LRBA: variants seen among roughly 807,000 people sequenced by gnomAD.
LRBA encodes LPS responsive beige-like anchor protein.
In LRBA, 176 loss-of-function variants were observed where a neutral mutation model predicts 330.0. The observed-to-expected ratio is 0.53, with a 90% CI of 0.47 to 0.60. The LOEUF (loss-of-function observed/expected upper bound fraction) is 0.60. LRBA is among the 20% of genes least tolerant of loss of function. The pLI is 0.00. For synonymous variants in LRBA, 1,230 were observed against 1,193.0 expected (o/e 1.03, Z -0.64); for missense variants, 3,259 against 3,444.8 (o/e 0.95, Z 1.35).
chr4:150,912,964 G>A (rs1007800546), intron 9 of LRBA, among the ~76,000 whole-genome samples: 1 of 152,032 alleles, frequency 6.6e-6, no homozygotes, highest in Non-Finnish European at 1.5e-5. Flanking sequence ...TGACCCAAAG[G>A]CTGTTTTAAG....
At chr4:150,667,321 A>C (rs545759500) in intron 37 of LRBA, among the ~76,000 whole-genome samples, 4 of 152,168 alleles carry the variant, frequency 2.6e-5, no homozygotes, top group Non-Finnish European at 5.9e-5. Flanking sequence ...AAGCATCCTT[A>C]TAAGAGGGAG....
At chr4:150,802,755 G>A (rs1428328929) in intron 33 of LRBA, among the ~76,000 whole-genome samples, 3 of 151,908 alleles carry the variant, frequency 2.0e-5, no homozygotes, top group African/African-American at 7.3e-5. Flanking sequence ...CAGACGCAGT[G>A]GCTCAGGCCT....
rs77913468 is a variant in LRBA, at chr4:150,308,454, C to T, written c.7849+1775G>A. ...GTGCATAATACTTGATAATAAATAACTCTGTTACTGGTTTATGTACTTATT... is the reference window on the plus strand; with the variant it reads ...GTGCATAATACTTGATAATAAATAATTCTGTTACTGGTTTATGTACTTATT... On this transcript the variant is annotated intron_variant, in intron 52 of 56. Coordinates refer to ENST00000651943, the MANE Select transcript of LRBA (RefSeq NM_001364905.1). Among the ~76,000 whole-genome samples, 1,258 of 152,286 alleles carry T rather than the reference C, an allele frequency of 8.3e-3. 15 individuals are homozygous for T. The highest frequency in any genetic ancestry group is 0.029 in the African/African-American group (1,195 of 41,552).
intron 48 of LRBA, among the ~76,000 whole-genome samples, chr4:150,344,839 C>G (rs62346991): frequency 0.2 from 29,736 of 149,206 alleles, 2,953 homozygotes; most frequent in Admixed American, 0.22. Flanking sequence ...GTGTGAGCCA[C>G]CATGCCCTGC....
chr4:150,404,102 T>C (rs867351815), intron 47 of LRBA, among the ~76,000 whole-genome samples: 1 of 152,174 alleles, frequency 6.6e-6, no homozygotes, highest in Non-Finnish European at 1.5e-5. Flanking sequence ...GTAATTACTA[T>C]TGATATCATG....
intron 37 of LRBA, among the ~76,000 whole-genome samples, chr4:150,680,704 AC>A (rs907185224): frequency 7.2e-5 from 11 of 152,270 alleles, no homozygotes; most frequent in Admixed American, 7.2e-4. Flanking sequence ...TTGTCGCAGG[AC>A]CAGATGTTTC....
At chr4:150,909,458 T>C (rs1418334072) in intron 9 of LRBA, among the ~76,000 whole-genome samples, 4 of 152,186 alleles carry the variant, frequency 2.6e-5, no homozygotes, top group African/African-American at 7.2e-5. Context: ...CAGGATTTCC[T>C]TGTTTTTTAA....
intron 47 of LRBA, among the ~76,000 whole-genome samples, chr4:150,411,520 G>C (rs1581233964): frequency 6.6e-6 from 1 of 152,104 alleles, no homozygotes; most frequent in African/African-American, 2.4e-5. Context: ...ATTATTCACT[G>C]TCCTATAGAT....
At chr4:150,333,021 G>T (rs921434444) in intron 48 of LRBA, among the ~76,000 whole-genome samples, 3 of 151,932 alleles carry the variant, frequency 2.0e-5, no homozygotes, top group Non-Finnish European at 2.9e-5. Context: ...AATATATATA[G>T]AGAGAATATA....
intron 2 of LRBA, among the ~76,000 whole-genome samples, chr4:150,934,143 A>C (rs142586321): frequency 6.6e-5 from 10 of 152,340 alleles, no homozygotes; most frequent in Non-Finnish European, 1.3e-4. Context: ...ACCTATTTCT[A>C]ACAAATTACT....
Position 150,539,899 on chromosome 4 carries a change from G to A in LRBA, c.6330+48149C>T, listed in dbSNP as rs190068335. 9.9e-5 allele frequency among the ~76,000 whole-genome samples: 15 copies of A among 152,176 alleles called. No homozygotes were observed. In the East Asian group the frequency reaches 1.7e-3, roughly 18 times the overall value. ...GGAATATCTTTTAGAGTATCAGTTC[G>A]TTAAACATCAGTAAAGGAATAAAAA... On this transcript the variant is annotated intron_variant, in intron 40 of 56. Transcript: ENST00000651943.
intron 2 of LRBA, among the ~76,000 whole-genome samples, chr4:150,937,442 A>T (rs1410816543): frequency 6.6e-6 from 1 of 152,142 alleles, no homozygotes; most frequent in Non-Finnish European, 1.5e-5. Flanking sequence ...GTAAGTTATG[A>T]ATATCTGAGC....
intron 17 of LRBA, among the ~76,000 whole-genome samples, chr4:150,881,199 C>T (rs951773884): frequency 1.3e-5 from 2 of 152,094 alleles, no homozygotes; most frequent in Admixed American, 1.3e-4. Flanking sequence ...ATCATTCTAC[C>T]AACAACACAT....
chr4:150,903,155 G>A (rs1730941904), intron 13 of LRBA, among the ~76,000 whole-genome samples: 1 of 152,150 alleles, frequency 6.6e-6, no homozygotes, highest in Admixed American at 6.6e-5. Context: ...GCTGAGAGAG[G>A]AGGATTGCTT....
intron 36 of LRBA, among the ~76,000 whole-genome samples, chr4:150,687,583 T>G (rs1258385250): frequency 6.6e-6 from 1 of 152,134 alleles, no homozygotes; most frequent in Non-Finnish European, 1.5e-5. Context: ...TTTATGTGAT[T>G]ATTGCTAAAG....
intron 37 of LRBA, among the ~76,000 whole-genome samples, chr4:150,658,539 C>G (rs1266739904): frequency 0.54 from 54 of 100 alleles, 5 homozygotes; most frequent in African/African-American, 0.54. Context: ...CTCTCCCTCT[C>G]CCTCTCCCTC....
At chr4:150,430,134 A>T (rs1024703161) in intron 46 of LRBA, among the ~76,000 whole-genome samples, 6 of 152,050 alleles carry the variant, frequency 3.9e-5, no homozygotes. Flanking sequence ...TCAATCACCA[A>T]ATCTTAACAG....
intron 40 of LRBA, among the ~76,000 whole-genome samples, chr4:150,504,509 C>G (rs1012190368): frequency 2.6e-5 from 4 of 152,048 alleles, no homozygotes; most frequent in East Asian, 3.9e-4. Context: ...CATAAGTGAA[C>G]AAGAAATAAA....
intron 36 of LRBA, among the ~76,000 whole-genome samples, chr4:150,702,161 A>C (rs1458586331): frequency 1.3e-5 from 2 of 152,234 alleles, no homozygotes; most frequent in African/African-American, 4.8e-5. Context: ...CTAGTAAGAA[A>C]AAATAGTATT....
Sources: allele counts gnomAD v4.1 joint callset (sites outside exome capture counted in the v4.1 genomes callset), GRCh38; gene constraint gnomAD v4.1.1; transcripts MANE v1.5; gene names NCBI Gene and HGNC (gene_info 2026-07-23, HGNC 2026-07-21).